The following MYO16 variants were observed in gnomAD, a reference collection of about 807,000 sequenced individuals.
The protein encoded by MYO16 is unconventional myosin-XVI.
In MYO16, 94 loss-of-function variants were observed where a neutral mutation model predicts 205.3. The ratio of observed to expected loss-of-function variants is 0.46; its 90% CI spans 0.39 to 0.54. The LOEUF is 0.54. Ranked by LOEUF, MYO16 falls within the 20% of genes least tolerant of loss-of-function variation. The pLI is 0.00. For missense variants in MYO16, 2,315 were observed against 2,387.5 expected, an observed-to-expected ratio of 0.97 and a Z score of 0.63; for synonymous variants, 988 against 954.0, an observed-to-expected ratio of 1.04 and a Z score of -0.66.
chr13:108,844,568 C>A, intron 10 of MYO16, 75 bp downstream of exon 10: 1 of 1,411,242 alleles, frequency 7.1e-7, no homozygotes, highest in Admixed American at 2.4e-5. Context: ...CAACATATTT[C>A]AAAAACAAAT....
intron 27 of MYO16, among the ~76,000 whole-genome samples, chr13:109,087,637 GT>G (rs893001904): frequency 9.2e-5 from 14 of 152,168 alleles, no homozygotes; most frequent in African/African-American, 3.4e-4. Flanking sequence ...CAAAAGTGTG[GT>G]CTGTCTCAAA....
At chr13:108,884,844 G>C (rs1230505606) in intron 13 of MYO16, among the ~76,000 whole-genome samples, 2 of 147,734 alleles carry the variant, frequency 1.4e-5, no homozygotes, top group Non-Finnish European at 3.0e-5. Flanking sequence ...ACCCATTCTA[G>C]ACATGAGGAT....
At chr13:108,555,449 A>T in the MYO16 span, among the ~76,000 whole-genome samples, 3 of 152,250 alleles carry the variant, frequency 2.0e-5, no homozygotes, top group Admixed American at 6.5e-5. Flanking sequence ...ACAGGTATTT[A>T]TAGAAAAGAT....
At chr13:108,922,961 A>G (rs534361317) in intron 16 of MYO16, among the ~76,000 whole-genome samples, 1 of 152,316 alleles carries the variant, frequency 6.6e-6, no homozygotes, top group East Asian at 1.9e-4. Flanking sequence ...CTTGCTACTC[A>G]TGAAAAAGCA....
intron 1 of MYO16, among the ~76,000 whole-genome samples, chr13:108,612,671 C>G (rs1400641191): frequency 6.6e-6 from 1 of 151,328 alleles, no homozygotes; most frequent in African/African-American, 2.4e-5. Context: ...CAAAGGGAGG[C>G]TCAGAGGAAG....
intron 34 of MYO16, among the ~76,000 whole-genome samples, chr13:109,194,216 A>G (rs997467800): frequency 6.6e-6 from 1 of 152,142 alleles, no homozygotes; most frequent in African/African-American, 2.4e-5. Context: ...GTCCTATAGA[A>G]CCCACCACAG....
chr13:108,839,419 A>T (rs981481401), intron 9 of MYO16, among the ~76,000 whole-genome samples: 1 of 152,036 alleles, frequency 6.6e-6, no homozygotes, highest in African/African-American at 2.4e-5. Context: ...TTTTCATAGT[A>T]ATTTTTTTTT....
chr13:108,850,341 G>A (rs1340526476), intron 10 of MYO16, among the ~76,000 whole-genome samples: 1 of 152,354 alleles, frequency 6.6e-6, no homozygotes, highest in Admixed American at 6.5e-5. Flanking sequence ...CCACACAATG[G>A]AGACGAGGGA....
At chr13:108,704,697 A>G (rs79030148) in intron 2 of MYO16, among the ~76,000 whole-genome samples, 6,519 of 152,150 alleles carry the variant, frequency 0.043, 186 homozygotes, top group East Asian at 0.12. Flanking sequence ...CTAATCACCC[A>G]AAGTCCATAG....
intron 22 of MYO16, among the ~76,000 whole-genome samples, chr13:109,010,844 T>A (rs1319266394): frequency 6.6e-6 from 1 of 151,652 alleles, no homozygotes; most frequent in Non-Finnish European, 1.5e-5. Context: ...TTAGTTGAAA[T>A]AAAGAATTGT....
At chr13:109,205,667 C>G (rs1032696227) in intron 34 of MYO16, among the ~76,000 whole-genome samples, 1 of 152,062 alleles carries the variant, frequency 6.6e-6, no homozygotes, top group Non-Finnish European at 1.5e-5. Flanking sequence ...AGACTTCTGG[C>G]GGCTGGCAGA....
chr13:109,101,612 AT>A (rs1888970802), intron 28 of MYO16: 1 of 152,206 alleles, frequency 6.6e-6, no homozygotes, highest in African/African-American at 2.4e-5. Flanking sequence ...TCCTTGACTC[AT>A]TTTAGGAAGT....
Position 109,165,072 on chromosome 13 carries a change from T to A in MYO16, c.5323+13T>A. The A allele has an allele frequency of 1.9e-6, 3 of 1,582,900 alleles. No homozygotes were observed. On this transcript the variant is annotated intron_variant, in intron 33 of 34. Coordinates refer to ENST00000457511, the MANE Select transcript of MYO16 (RefSeq NM_001198950.3). Reference sequence around the variant, plus strand: ...TCCATCTCAAATGGTAAGCACTTTTTAAACTCAGAAGTAAATGTACAAAAG... The same window carrying A: ...TCCATCTCAAATGGTAAGCACTTTTAAAACTCAGAAGTAAATGTACAAAAG...
chr13:108,560,499 T>G, the MYO16 span, among the ~76,000 whole-genome samples: 1 of 152,246 alleles, frequency 6.6e-6, no homozygotes, highest in South Asian at 2.1e-4. Context: ...AAAGGGTACT[T>G]GAAAATTAAG....
intron 2 of MYO16, among the ~76,000 whole-genome samples, chr13:108,700,119 G>A (rs1264976442): frequency 6.6e-6 from 1 of 152,044 alleles, no homozygotes; most frequent in Non-Finnish European, 1.5e-5. Flanking sequence ...GATCACTTGA[G>A]GCCAGGAGTT....
At chr13:108,857,561 A>G (rs183185) in intron 11 of MYO16, among the ~76,000 whole-genome samples, 21,540 of 152,172 alleles carry the variant, frequency 0.14, 1,687 homozygotes, top group East Asian at 0.28. Flanking sequence ...TCAGGCTACA[A>G]CTTTCCTAGA....
intron 23 of MYO16, among the ~76,000 whole-genome samples, chr13:109,038,515 A>G (rs1405459061): frequency 1.3e-5 from 2 of 152,000 alleles, no homozygotes; most frequent in Non-Finnish European, 2.9e-5. Context: ...AGGCTTTCGA[A>G]CTACCTTGTC....
intron 20 of MYO16, among the ~76,000 whole-genome samples, chr13:108,975,678 C>G (rs1028222473): frequency 1.3e-5 from 2 of 152,112 alleles, no homozygotes; most frequent in Non-Finnish European, 2.9e-5. Flanking sequence ...TGCCATTATT[C>G]TCTCTACCAG....
At chr13:108,846,395 T>C (rs7981382) in intron 10 of MYO16, among the ~76,000 whole-genome samples, 38,754 of 151,934 alleles carry the variant, frequency 0.26, 5,239 homozygotes, top group Middle Eastern at 0.37. Context: ...TAAAGTCTTA[T>C]GGGTGCTTTC....
Sources: allele counts gnomAD v4.1 joint callset (sites outside exome capture counted in the v4.1 genomes callset), GRCh38; gene constraint gnomAD v4.1.1; transcripts MANE v1.5; gene names NCBI Gene and HGNC (gene_info 2026-07-23, HGNC 2026-07-21).